The following KLHL8 variants were observed in gnomAD, a reference collection of about 807,000 sequenced individuals.
The protein encoded by KLHL8 is kelch like family member 8.
In KLHL8, 38 loss-of-function variants were observed where a neutral mutation model predicts 63.5. The ratio of observed to expected loss-of-function variants is 0.60; its 90% CI spans 0.46 to 0.78. The LOEUF is 0.78. Among genes scored for constraint, KLHL8 ranks in the 30% least tolerant of loss-of-function variants. KLHL8 has a pLI of 0.00. For synonymous variants in KLHL8, 224 were observed against 254.3 expected (o/e 0.88, Z 1.13); for missense variants, 566 against 752.4 (o/e 0.75, Z 2.90).
chr4:87,220,878 A>G (rs1732818643), upstream of KLHL8: 3 of 152,230 alleles, frequency 2.0e-5, 1 homozygote, highest in South Asian at 6.2e-4. Flanking sequence ...GCGGTACAAA[A>G]TTTAGTTTCT....
chr4:87,239,353 C>T (rs1244789806), intron 1 of KLHL8, among the ~76,000 whole-genome samples: 1 of 152,198 alleles, frequency 6.6e-6, no homozygotes, highest in Non-Finnish European at 1.5e-5. Context: ...AAGGAGACCC[C>T]AGGGAGAGGC....
chr4:87,237,167 C>T (rs1288811702), intron 1 of KLHL8, among the ~76,000 whole-genome samples: 1 of 152,178 alleles, frequency 6.6e-6, no homozygotes, highest in East Asian at 1.9e-4. Flanking sequence ...ATATGGTTCT[C>T]ATCCTCCCAG....
intron 1 of KLHL8, among the ~76,000 whole-genome samples, chr4:87,215,521 T>G (rs1732561509): frequency 6.6e-6 from 1 of 152,214 alleles, no homozygotes; most frequent in Non-Finnish European, 1.5e-5. Flanking sequence ...AAAAAGACAT[T>G]ACTTGATGGA....
Position 87,189,318 on chromosome 4 carries a change from T to G in KLHL8, c.217-3519A>C, listed in dbSNP as rs77633386. 5.9e-5 allele frequency among the ~76,000 whole-genome samples: 9 copies of G among 152,316 alleles called. No individual in the cohort carries two copies. The East Asian group carries it at 1.3e-3, about 23-fold the overall frequency. On this transcript the variant is annotated intron_variant, in intron 2 of 9. Transcript: ENST00000273963. ...ACTTTTAGGCCAAGTTTAAAATACA[T>G]AAGGTGGGAGCTTCAGGCTAAACTT...
At chr4:87,196,279 C>G (rs987413383) in intron 1 of KLHL8, among the ~76,000 whole-genome samples, 10 of 151,832 alleles carry the variant, frequency 6.6e-5, no homozygotes, top group African/African-American at 2.2e-4. Flanking sequence ...TCCCACTTAA[C>G]AGATGATAAC....
chr4:87,237,975 G>A (rs935934434), intron 1 of KLHL8, among the ~76,000 whole-genome samples: 1 of 152,028 alleles, frequency 6.6e-6, no homozygotes, highest in East Asian at 1.9e-4. Flanking sequence ...TTGCTGTGTC[G>A]CCCAGGCTGG....
intron 6 of KLHL8, among the ~76,000 whole-genome samples, chr4:87,171,049 T>C (rs1482058929): frequency 6.6e-6 from 1 of 152,204 alleles, no homozygotes; most frequent in Non-Finnish European, 1.5e-5. Flanking sequence ...GGTTTCATTA[T>C]ACCACACAAA....
chr4:87,170,306 A>G (rs531911534), intron 7 of KLHL8, 68 bp from the exon 8 acceptor site: 1 of 1,512,208 alleles, frequency 6.6e-7, no homozygotes, highest in South Asian at 1.3e-5. Flanking sequence ...TTAATGGTAA[A>G]TTAGAATGTA....
intron 1 of KLHL8, chr4:87,219,615 G>C (rs1296221837): frequency 2.0e-5 from 3 of 152,312 alleles, no homozygotes; most frequent in African/African-American, 7.2e-5. Flanking sequence ...AGTAAAGCAC[G>C]AGACACGTAG....
intron 2 of KLHL8, among the ~76,000 whole-genome samples, chr4:87,192,033 T>G (rs991807795): frequency 2.0e-5 from 3 of 152,218 alleles, no homozygotes; most frequent in Admixed American, 2.0e-4. Flanking sequence ...CTGGGCTGAT[T>G]CCATATCTTT....
intron 3 of KLHL8, among the ~76,000 whole-genome samples, chr4:87,184,328 AT>A (rs1731170951): frequency 4.0e-5 from 3 of 74,510 alleles, no homozygotes; most frequent in Non-Finnish European, 7.5e-5. Context: ...ATGTCTTATC[AT>A]CATACTCTGA....
intron 4 of KLHL8, among the ~76,000 whole-genome samples, chr4:87,182,782 G>T (rs1731103735): frequency 6.6e-6 from 1 of 152,008 alleles, no homozygotes; most frequent in Non-Finnish European, 1.5e-5. Context: ...TTTTTATTTG[G>T]TAAAATGAAA....
intron 1 of KLHL8, among the ~76,000 whole-genome samples, chr4:87,235,841 A>T (rs1330797639): frequency 6.6e-6 from 1 of 152,148 alleles, no homozygotes; most frequent in Non-Finnish European, 1.5e-5. Flanking sequence ...GATTAGGCCA[A>T]AACACAAGTC....
chr4:87,183,930 CCT>C (rs547845830), intron 3 of KLHL8, among the ~76,000 whole-genome samples: 96 of 152,210 alleles, frequency 6.3e-4, no homozygotes, highest in African/African-American at 2.2e-3. Context: ...GGATGCATCC[CCT>C]CTTTCAACAG....
intron 1 of KLHL8, among the ~76,000 whole-genome samples, chr4:87,199,497 A>G (rs937848195): frequency 2.0e-5 from 3 of 152,124 alleles, no homozygotes; most frequent in Non-Finnish European, 2.9e-5. Flanking sequence ...ACAAGTAAAC[A>G]CAGACAAATG....
chr4:87,222,567 T>TTTTA (rs985292471), upstream of KLHL8, among the ~76,000 whole-genome samples: 6 of 152,100 alleles, frequency 3.9e-5, no homozygotes, highest in African/African-American at 1.4e-4. Context: ...ACAATATGTA[T>TTTTA]TTTATTTATT....
chr4:87,176,207 G>A (rs923751632), intron 6 of KLHL8, among the ~76,000 whole-genome samples: 2 of 152,204 alleles, frequency 1.3e-5, no homozygotes, highest in African/African-American at 2.4e-5. Context: ...CTCAGCACTG[G>A]CATTTGGCAT....
At chr4:87,190,646 A>T (rs1396023240) in intron 2 of KLHL8, among the ~76,000 whole-genome samples, 1 of 10,540 alleles carries the variant, frequency 9.5e-5, no homozygotes, top group African/African-American at 3.2e-4. Context: ...TCTGTCTTTA[A>T]AAAAAAAAAA....
chr4:87,217,619 T>C (rs1732649468), intron 1 of KLHL8, among the ~76,000 whole-genome samples: 1 of 151,726 alleles, frequency 6.6e-6, no homozygotes, highest in Non-Finnish European at 1.5e-5. Flanking sequence ...GTGCTAGGAT[T>C]ACAAGCATGA....
Sources: gnomAD v4.1 joint callset for allele counts (sites outside exome capture counted in the v4.1 genomes callset) on GRCh38, gnomAD v4.1.1 for gene constraint, MANE v1.5 for transcripts, NCBI Gene and HGNC (gene_info 2026-07-23, HGNC 2026-07-21) for gene names.